Variants in CATSPERE observed in about 807,000 individuals in gnomAD.
CATSPERE encodes the protein catsper channel auxiliary subunit epsilon, also known as cation channel sperm-associated auxiliary subunit epsilon.
A neutral mutation model predicts 114.1 loss-of-function variants in CATSPERE; 93 were observed. The ratio of observed to expected loss-of-function variants is 0.81; its 90% confidence interval spans 0.69 to 0.97. The LOEUF (loss-of-function observed/expected upper bound fraction) is 0.97. Among genes scored for constraint, CATSPERE ranks in the 50% least tolerant of loss-of-function variants. The pLI, the probability that CATSPERE is intolerant of heterozygous loss-of-function variation, is 0.00. For missense variants in CATSPERE, 1,058 were observed against 1,131.6 expected (o/e 0.93, Z 0.93); for synonymous variants, 341 against 384.1 (o/e 0.89, Z 1.31).
At chr1:244,511,903 C>T (rs1209383038) in intron 7 of CATSPERE, among the ~76,000 whole-genome samples, 2 of 152,202 alleles carry the variant, frequency 1.3e-5, no homozygotes, top group Non-Finnish European at 2.9e-5. Flanking sequence ...GAGAAATCCA[C>T]TGTTAATATG....
At chr1:244,529,032 G>T (rs1417664878) in intron 8 of CATSPERE, among the ~76,000 whole-genome samples, 1 of 152,074 alleles carries the variant, frequency 6.6e-6, no homozygotes, top group Non-Finnish European at 1.5e-5. Context: ...TGGCTAAATA[G>T]TACTCCATTG....
upstream of CATSPERE, among the ~76,000 whole-genome samples, chr1:244,456,776 A>ATCT (rs569207623): frequency 5.6e-4 from 86 of 152,338 alleles, no homozygotes; most frequent in South Asian, 0.011. Context: ...GTCAGGCCTT[A>ATCT]TCTTCACTTC....
At chr1:244,464,652 A>C (rs2148075922) in intron 2 of CATSPERE, among the ~76,000 whole-genome samples, 1 of 152,320 alleles carries the variant, frequency 6.6e-6, no homozygotes, top group African/African-American at 2.4e-5. Flanking sequence ...CATCTTCACC[A>C]AAATTTGGTG....
intron 8 of CATSPERE, among the ~76,000 whole-genome samples, chr1:244,526,232 C>A (rs746106555): frequency 1.1e-4 from 17 of 152,074 alleles, no homozygotes; most frequent in Non-Finnish European, 2.1e-4. Flanking sequence ...TATGACAAAA[C>A]CCTGCCTCTA....
At position 244,599,731 on chromosome 1, in the gene CATSPERE, G is replaced by A. The variant is rs545641264; in HGVS notation, c.2304-5964G>A. Among the ~76,000 whole-genome samples the A allele has an allele frequency of 2.3e-3, 351 of 152,242 alleles. 1 individual carries two copies. The highest frequency in any genetic ancestry group is 3.9e-3 in the Non-Finnish European group (266 of 68,026). On this transcript the variant is annotated intron_variant, in intron 17 of 21. Coordinates refer to ENST00000366534, the MANE Select transcript of CATSPERE (RefSeq NM_001130957.2). ...TACCTTTCTCCCATTAAACTTCACT[G>A]CACTCACTCAGATGCAGCGAGTGGC...
chr1:244,513,834 G>A (rs1047822700), intron 7 of CATSPERE, among the ~76,000 whole-genome samples: 2 of 152,172 alleles, frequency 1.3e-5, no homozygotes, highest in Non-Finnish European at 2.9e-5. Context: ...AGCTGCAGGT[G>A]GGTTGGGTAT....
intron 7 of CATSPERE, among the ~76,000 whole-genome samples, chr1:244,503,014 G>C (rs537867803): frequency 2.0e-5 from 3 of 152,140 alleles, no homozygotes; most frequent in African/African-American, 7.2e-5. Flanking sequence ...AAGATGCAGG[G>C]ATAGACAGGC....
intron 2 of CATSPERE, among the ~76,000 whole-genome samples, chr1:244,471,040 G>A (rs1424853590): frequency 6.6e-6 from 1 of 152,200 alleles, no homozygotes; most frequent in African/African-American, 2.4e-5. Flanking sequence ...CCTCCGAGGA[G>A]TGTGGCAGTT....
At chr1:244,460,297 GC>G (rs1025965028), upstream of CATSPERE, among the ~76,000 whole-genome samples, 1 of 152,184 alleles carries the variant, frequency 6.6e-6, no homozygotes, top group Admixed American at 6.5e-5. Flanking sequence ...ATTCTGACTT[GC>G]CCTAAACCGC....
chr1:244,513,905 C>A (rs1001787537), intron 7 of CATSPERE, among the ~76,000 whole-genome samples: 8 of 152,166 alleles, frequency 5.3e-5, no homozygotes, highest in African/African-American at 1.9e-4. Context: ...GCAAATTGAT[C>A]CCTGTGCTCC....
intron 19 of CATSPERE, among the ~76,000 whole-genome samples, chr1:244,616,961 A>G (rs1374391656): frequency 1.3e-5 from 2 of 152,230 alleles, no homozygotes; most frequent in South Asian, 2.1e-4. Context: ...AACCAGTGCC[A>G]TGTAATAGTA....
intron 11 of CATSPERE, among the ~76,000 whole-genome samples, chr1:244,580,417 T>C (rs1270223329): frequency 6.6e-6 from 1 of 152,130 alleles, no homozygotes; most frequent in African/African-American, 2.4e-5. Context: ...CTTGCTTATA[T>C]AATGCAGGCT....
chr1:244,612,531 A>G (rs1573004425), intron 19 of CATSPERE, among the ~76,000 whole-genome samples: 2 of 152,268 alleles, frequency 1.3e-5, no homozygotes, highest in Admixed American at 6.5e-5. Flanking sequence ...AAGGGAGAAT[A>G]TGGGTGCTGA....
At chr1:244,490,116 A>G (rs1671763025) in intron 5 of CATSPERE, among the ~76,000 whole-genome samples, 1 of 152,166 alleles carries the variant, frequency 6.6e-6, no homozygotes, top group Non-Finnish European at 1.5e-5. Flanking sequence ...TTTTTGTTAA[A>G]ATCATATGAG....
chr1:244,458,811 A>G (rs991068769), upstream of CATSPERE, among the ~76,000 whole-genome samples: 4 of 152,224 alleles, frequency 2.6e-5, no homozygotes, highest in African/African-American at 9.7e-5. Flanking sequence ...ACAGAACACA[A>G]TTGGAGAAAT....
chr1:244,617,712 T>C, intron 20 of CATSPERE, 26 bp downstream of exon 20: 1 of 1,491,210 alleles, frequency 6.7e-7, no homozygotes, highest in East Asian at 2.6e-5. Context: ...ACTGTAATAG[T>C]GTTAGCATTA....
intron 8 of CATSPERE, among the ~76,000 whole-genome samples, chr1:244,550,140 C>G (rs1660383625): frequency 6.6e-6 from 1 of 152,124 alleles, no homozygotes; most frequent in Admixed American, 6.6e-5. Flanking sequence ...GTTCTCACAC[C>G]TTTGGACTTG....
intron 12 of CATSPERE, among the ~76,000 whole-genome samples, chr1:244,582,910 GATATATATATATATATAT>G (rs66677443): frequency 1.1e-4 from 15 of 142,476 alleles, no homozygotes; most frequent in African/African-American, 3.1e-4. Flanking sequence ...AACAGAATTT[GATATATATATATATATAT>G]ATATATATAT....
intron 5 of CATSPERE, among the ~76,000 whole-genome samples, chr1:244,489,498 T>A (rs1372052715): frequency 8.6e-6 from 1 of 116,098 alleles, no homozygotes; most frequent in African/African-American, 3.4e-5. Context: ...AAGAAAGAGG[T>A]TTATTGAAGT....
Sources: allele counts gnomAD v4.1 joint callset (sites outside exome capture counted in the v4.1 genomes callset), GRCh38; gene constraint gnomAD v4.1.1; transcripts MANE v1.5; gene names NCBI Gene and HGNC (gene_info 2026-07-23, HGNC 2026-07-21).